BTBD3: variants seen among roughly 807,000 people sequenced by gnomAD.
The protein encoded by BTBD3 is BTB domain containing 3.
In BTBD3, 14 loss-of-function variants were observed where a neutral mutation model predicts 41.6. That is an observed-to-expected ratio of 0.34 (90% confidence interval 0.22 to 0.53). The LOEUF (loss-of-function observed/expected upper bound fraction) is 0.53, where lower values mean the gene tolerates loss of function less well. Among genes scored for constraint, BTBD3 ranks in the 20% least tolerant of loss-of-function variants. BTBD3 has a pLI of 0.95. For missense variants in BTBD3, 426 were observed against 654.7 expected (o/e 0.65, Z 3.81); for synonymous variants, 249 against 233.7 (o/e 1.07, Z -0.60).
intron 1 of BTBD3, among the ~76,000 whole-genome samples, chr20:11,898,482 C>T (rs1238012283): frequency 2.0e-5 from 3 of 152,164 alleles, no homozygotes; most frequent in African/African-American, 7.2e-5. Flanking sequence ...TTTATTTTTC[C>T]GTTGCATCTG....
rs2056798831 is a variant in BTBD3 at position 11,898,057 on chromosome 20, C to G, written c.-126+7103C>G. 2.6e-5 allele frequency among the ~76,000 whole-genome samples: 4 copies of G among 152,102 alleles called. No individual in the cohort carries two copies. The South Asian group carries it at 8.3e-4, about 32-fold the overall frequency. The stretch of plus-strand genomic sequence containing the variant: ...CCTGTAATTCCAGGTACTTGGGAGG[C>G]TGAGGCAGGAGAATCTCTTGAACCT... On this transcript the variant is annotated intron_variant, in intron 1 of 4. Coordinates refer to the BTBD3 transcript ENST00000254977.
intron 3 of BTBD3, 31 bp downstream of exon 3, chr20:11,919,867 T>A (rs759057386): frequency 1.9e-6 from 3 of 1,568,194 alleles, no homozygotes; most frequent in Non-Finnish European, 2.6e-6. Context: ...TGGAAAGAGT[T>A]TGTTTATGCT....
chr20:11,903,750 G>A (rs967918633), intron 1 of BTBD3, among the ~76,000 whole-genome samples: 4 of 152,014 alleles, frequency 2.6e-5, no homozygotes, highest in African/African-American at 9.7e-5. Context: ...GGGATTACAG[G>A]TGCCCGCCAC....
At chr20:11,908,296 A>G (rs544895238) in intron 1 of BTBD3, among the ~76,000 whole-genome samples, 17 of 111,526 alleles carry the variant, frequency 1.5e-4, no homozygotes, top group Admixed American at 4.1e-4. Flanking sequence ...TCTGTTAACT[A>G]TGGTGGAGTG....
rs182782561 is a variant in BTBD3 at position 11,890,915 on chromosome 20, C to G, written c.-165C>G. On this transcript the variant is annotated 5_prime_UTR_variant, in exon 1 of 5. Transcript: ENST00000254977. ...GAGGAGCGGGCACAGGGCAAGGCGG[C>G]GGACGGCTGCGTCGCCCGAGGCGAG... The G allele has an allele frequency of 6.2e-3, 6,135 of 984,742 alleles. 19 individuals are homozygous for G. Among genetic ancestry groups the G allele is most frequent in the Admixed American group, 8.1e-3 (131 of 16,222 alleles). 61.0% of individuals were successfully genotyped at this position (984,742 alleles called of 1,614,324 possible).
In BTBD3 at chr20:11,918,202, C is replaced by A. The variant is rs901428650; in HGVS notation, c.-74C>A. 1 of 1,499,742 alleles carries A rather than the reference C, an allele frequency of 6.7e-7. No homozygotes were observed. The highest frequency in any genetic ancestry group is 8.8e-7 in the Non-Finnish European group (1 of 1,134,748). The allele number at this position is 1,499,742 out of a possible 1,614,324, so 92.9% of individuals were successfully genotyped here. On this transcript the variant is annotated 5_prime_UTR_variant, in exon 1 of 4. Coordinates refer to ENST00000378226, the MANE Select transcript of BTBD3 (RefSeq NM_014962.4). The stretch of plus-strand genomic sequence containing the variant: ...TGTTGGTTTCAGTTAACCTCTTAGC[C>A]CGGGCTAATCTCTTTTCCTTGATGT...
intron 1 of BTBD3, among the ~76,000 whole-genome samples, chr20:11,900,248 G>T (rs751919069): frequency 5.1e-4 from 77 of 152,312 alleles, no homozygotes; most frequent in Middle Eastern, 3.4e-3. Context: ...TTTGAAAATA[G>T]TGCTGTTACA....
intron 1 of BTBD3, among the ~76,000 whole-genome samples, chr20:11,907,135 C>G (rs1568611022): frequency 6.6e-6 from 1 of 152,164 alleles, no homozygotes; most frequent in Non-Finnish European, 1.5e-5. Flanking sequence ...ACCCACACTT[C>G]TCTGTGAATA....
At chr20:11,911,758 A>C (rs2122252010) in intron 1 of BTBD3, among the ~76,000 whole-genome samples, 1 of 152,290 alleles carries the variant, frequency 6.6e-6, no homozygotes, top group Middle Eastern at 3.4e-3. Context: ...AAGAAATTAT[A>C]ATATTCCTTT....
intron 1 of BTBD3, among the ~76,000 whole-genome samples, chr20:11,908,483 C>G (rs1044916471): frequency 1.3e-5 from 2 of 151,770 alleles, no homozygotes; most frequent in African/African-American, 4.8e-5. Context: ...ACTGGAGAAA[C>G]TCAAATTTAA....
upstream of BTBD3, among the ~76,000 whole-genome samples, chr20:11,914,295 A>G (rs183733095): frequency 2.6e-3 from 392 of 152,342 alleles, no homozygotes; most frequent in Non-Finnish European, 4.0e-3. Context: ...TATTTAATGT[A>G]GTAGACTATA....
chr20:11,900,054 A>G (rs184749401), intron 1 of BTBD3, among the ~76,000 whole-genome samples: 2 of 152,328 alleles, frequency 1.3e-5, no homozygotes, highest in Non-Finnish European at 1.5e-5. Flanking sequence ...CTATGATGCT[A>G]TATAAGTAAG....
Position 11,918,068 on chromosome 20 carries a change from G to T in BTBD3, c.-208G>T. 1 of 1,316,644 alleles carries T rather than the reference G, an allele frequency of 7.6e-7. No individual in the cohort carries two copies. Among genetic ancestry groups the T allele is most frequent in the Non-Finnish European group, 9.6e-7 (1 of 1,038,812 alleles). 81.6% of individuals were successfully genotyped at this position (1,316,644 alleles called of 1,614,324 possible). On this transcript the variant is annotated 5_prime_UTR_variant, in exon 1 of 4. Transcript: ENST00000378226. ...AATAAGAGAAACAGGAATCATGATG[G>T]GGATATATTTAACAGACCCAGTACT...
upstream of BTBD3, among the ~76,000 whole-genome samples, chr20:11,917,507 A>T (rs1490316303): frequency 6.6e-6 from 1 of 152,206 alleles, no homozygotes; most frequent in Non-Finnish European, 1.5e-5. Flanking sequence ...CAGTTTATAG[A>T]CTGGAGGATT....
At position 11,923,206 on chromosome 20, in the gene BTBD3, T is replaced by A; in HGVS notation, c.1109T>A (p.Leu370His). ...LQFVSKARKG[L>H]VPQRCHRFQS... ...TTTGTGAGTAAAGCCCGTAAGGGCC[T>A]TGTCCCCCAGCGCTGTCACCGTTTC... Residue 370 changes from leucine to histidine, a missense_variant, in exon 4 of 4, where the codon CTT (leucine) becomes CAT (histidine). Physicochemically the swap from Leu to His is moderately conservative, Grantham distance 99 (BLOSUM62 -3). Around this residue, in one of 3 missense-constraint regions of BTBD3, gnomAD observed 321 missense variants for 534.8 expected, o/e 0.60. Transcript: ENST00000378226. The surrounding 1 kb of genome is among the most constrained non-coding windows in gnomAD (Gnocchi z 5.3). The A allele has an allele frequency of 6.2e-7, 1 of 1,614,238 alleles. No homozygotes were observed. Among genetic ancestry groups the A allele is most frequent in the Non-Finnish European group, 8.5e-7 (1 of 1,180,028 alleles).
intron 1 of BTBD3, chr20:11,892,612 A>G (rs2056762154): frequency 6.6e-6 from 1 of 152,178 alleles, no homozygotes; most frequent in Non-Finnish European, 1.5e-5. Context: ...ACGCCGTTGT[A>G]TGGGATGATA....
chr20:11,906,879 G>T (rs948943233), intron 1 of BTBD3, among the ~76,000 whole-genome samples: 4 of 152,162 alleles, frequency 2.6e-5, no homozygotes, highest in African/African-American at 9.7e-5. Flanking sequence ...CATCGATTCA[G>T]TGTTAAGTAC....
chr20:11,892,729 T>A (rs758489694), intron 1 of BTBD3, among the ~76,000 whole-genome samples: 1 of 152,224 alleles, frequency 6.6e-6, no homozygotes. Context: ...TGTTTTCTTT[T>A]CCTTTTTTAG....
At chr20:11,905,924 C>T (rs1231089310) in intron 1 of BTBD3, among the ~76,000 whole-genome samples, 1 of 152,078 alleles carries the variant, frequency 6.6e-6, no homozygotes, top group Non-Finnish European at 1.5e-5. Context: ...GTCAGAACTG[C>T]TTAAAAGGCT....
Sources: allele counts gnomAD v4.1 joint callset (sites outside exome capture counted in the v4.1 genomes callset), GRCh38; gene constraint gnomAD v4.1.1; regional missense constraint gnomAD v4.1.1; non-coding constraint Gnocchi (gnomAD v3.1); transcripts MANE v1.5; gene names NCBI Gene and HGNC (gene_info 2026-07-23, HGNC 2026-07-21).